The following INSR variants were observed in gnomAD, a reference collection of about 807,000 sequenced individuals.
INSR encodes insulin receptor.
A neutral mutation model predicts 142.6 loss-of-function variants in INSR; 67 were observed. The observed-to-expected ratio is 0.47, with a 90% CI of 0.39 to 0.58. The LOEUF (loss-of-function observed/expected upper bound fraction) is 0.58, where lower values mean the gene tolerates loss of function less well. Ranked by LOEUF, INSR falls within the 20% of genes least tolerant of loss-of-function variation. The probability of loss-of-function intolerance (pLI) is 0.00; values close to 1 mark genes in which losing one functional copy is unlikely to be tolerated. For missense variants in INSR, 1,248 were observed against 1,833.2 expected, an observed-to-expected ratio of 0.68 and a Z score of 5.83; for synonymous variants, 756 against 743.1, an observed-to-expected ratio of 1.02 and a Z score of -0.28.
In INSR at chr19:7,148,477, C is replaced by CTTTTTTTTTTTTTTTTTTTTTTTTT. The variant is rs71177160; in HGVS notation, c.2267+2019_2267+2020insAAAAAAAAAAAAAAAAAAAAAAAAA. 2.1e-5 allele frequency among the ~76,000 whole-genome samples: 2 copies of CTTTTTTTTTTTTTTTTTTTTTTTTT among 95,062 alleles called. 1 individual carries two copies. The highest frequency in any genetic ancestry group is 9.1e-5 in the African/African-American group (2 of 22,088). 62.4% of individuals were successfully genotyped at this position (95,062 alleles called of 152,430 possible). A position where few individuals can be genotyped will look rare whatever the true frequency, so the allele number is the denominator to read the frequency against. ...TTATTATTAGTATTATGTATTTATT[C>CTTTTTTTTTTTTTTTTTTTTTTTTT]TTTTTTTTTTTTTTTTTTGAGACAG... is the stretch of plus-strand genomic sequence containing the variant. On this transcript the variant is annotated intron_variant, in intron 11 of 21. Coordinates refer to ENST00000302850, the MANE Select transcript of INSR (RefSeq NM_000208.4).
intron 2 of INSR, among the ~76,000 whole-genome samples, chr19:7,190,720 C>A (rs1974559449): frequency 6.6e-6 from 1 of 152,098 alleles, no homozygotes; most frequent in African/African-American, 2.4e-5. Flanking sequence ...CCAGGTGTTT[C>A]CAACTCTGTA....
At position 7,122,742 on chromosome 19, in the gene INSR, T is replaced by C. The variant is rs750379249; in HGVS notation, c.3401A>G (p.Gln1134Arg). The C allele has an allele frequency of 1.3e-5, 21 of 1,614,084 alleles. No homozygotes were observed. The highest frequency in any genetic ancestry group is 1.8e-5 in the Non-Finnish European group (21 of 1,180,000). ...NNPGRPPPTL[Q>R]EMIQMAAEIA... ...CTCTGCCGCCATCTGAATCATCTCT[T>C]GAAGGGTAGGGGGAGGGCGGCCAGG... Residue 1134 changes from glutamine (Q) to arginine (R), a missense_variant, in exon 19 of 22, where the codon CAA (glutamine) becomes CGA (arginine). Physicochemically the swap from Gln to Arg is conservative, Grantham distance 43. Around this residue, in one of 3 missense-constraint regions of INSR, gnomAD observed 1,069 missense variants for 1,654.0 expected, o/e 0.65. Transcript: ENST00000302850.
rs1266540255 is a variant in INSR, at chr19:7,192,274, AAAG to A, written c.653-7640_653-7638del. Among the ~76,000 whole-genome samples the A allele has an allele frequency of 7.3e-6, 1 of 136,820 alleles. No homozygotes were observed. Among genetic ancestry groups the A allele is most frequent in the African/African-American group, 3.0e-5 (1 of 33,270 alleles). The allele number at this position is 136,820 out of a possible 152,430, so 89.8% of individuals were successfully genotyped here. A position where few individuals can be genotyped will look rare whatever the true frequency, so the allele number is the denominator to read the frequency against. On this transcript the variant is annotated intron_variant, in intron 2 of 21. Coordinates refer to ENST00000302850, the MANE Select transcript of INSR (RefSeq NM_000208.4). The surrounding 1 kb of genome is among the most constrained non-coding windows in gnomAD (Gnocchi z 4.2). ...GAAGAAAAGAAAAGAAAAGAAAAGA[AAAG>A]AAAAGAAAAGAAAAGAAAAGAAAAG...
chr19:7,195,922 CTTTTCTTTCT>C lies in INSR; in HGVS notation c.653-11295_653-11286del, dbSNP rs1288133979. Among the ~76,000 whole-genome samples, 23 of 85,736 alleles carry C rather than the reference CTTTTCTTTCT, an allele frequency of 2.7e-4. No homozygotes were observed. The Admixed American group carries it at 3.2e-3, about 12-fold the overall frequency. The allele number at this position is 85,736 out of a possible 152,430, so 56.2% of individuals were successfully genotyped here. A position where few individuals can be genotyped will look rare whatever the true frequency, so the allele number is the denominator to read the frequency against. Reference sequence around the variant, plus strand: ...ATCATTATGTAAGAGAACTTTCTTTCTTTTCTTTCTTTTTTTTTTTTTTTTTGTTTGAGAC... The same window carrying C: ...ATCATTATGTAAGAGAACTTTCTTTCTTTTTTTTTTTTTTTTGTTTGAGAC... On this transcript the variant is annotated intron_variant, in intron 2 of 21. Transcript: ENST00000302850.
chr19:7,231,967 C>T (rs913389982), intron 2 of INSR, among the ~76,000 whole-genome samples: 1 of 148,170 alleles, frequency 6.7e-6, no homozygotes, highest in Non-Finnish European at 1.5e-5. Flanking sequence ...ATATGCCCTA[C>T]TTTTTGCATG....
rs1972619915 is a variant in INSR, at chr19:7,125,349, A to C, written c.3192T>G (p.Ser1064Arg). ...VAVKTVNESA[S>R]LRERIEFLNE... ...TGAGGAACTCAATCCGCTCTCGGAG[A>C]CTGGCTGACTCGTTGACCGTCTTCA... The change falls in exon 17 of 22, where the codon AGT (serine) becomes AGG (arginine). Residue 1064 changes from serine to arginine, a missense_variant. Coordinates refer to ENST00000302850, the MANE Select transcript of INSR (RefSeq NM_000208.4). The surrounding 1 kb of genome is among the most constrained non-coding windows in gnomAD (Gnocchi z 4.9). 6.2e-7 allele frequency: 1 copy of C among 1,613,924 alleles called. No homozygotes were observed. The highest frequency in any genetic ancestry group is 1.3e-5 in the African/African-American group (1 of 74,888).
At chr19:7,257,163 C>T (rs1301016905) in intron 2 of INSR, among the ~76,000 whole-genome samples, 1 of 151,850 alleles carries the variant, frequency 6.6e-6, no homozygotes, top group Non-Finnish European at 1.5e-5. Context: ...AGGGTGGTCT[C>T]GAACTCCTGA....
intron 2 of INSR, among the ~76,000 whole-genome samples, chr19:7,240,389 C>G (rs1481988132): frequency 6.6e-6 from 1 of 151,688 alleles, no homozygotes; most frequent in African/African-American, 2.4e-5. Context: ...TTGAGACCAG[C>G]CAGGCCAACA....
In INSR at chr19:7,163,054, G is replaced by C; in HGVS notation, c.2007C>G (p.Phe669Leu). The change falls in exon 9 of 22, where the codon TTC (phenylalanine) becomes TTG (leucine). Residue 669 changes from phenylalanine to leucine, a missense_variant. Coordinates refer to ENST00000302850, the MANE Select transcript of INSR (RefSeq NM_000208.4). Reference protein sequence around the residue: ...WERQAEDSELFELDYCLKGLK... With the variant: ...WERQAEDSELLELDYCLKGLK... Reference sequence around the variant, plus strand: ...CACCTTTGAGGCAATAATCCAGCTCGAACAGCTCACTGTCTTCCGCCTGCC... The same window carrying C: ...CACCTTTGAGGCAATAATCCAGCTCCAACAGCTCACTGTCTTCCGCCTGCC... 1.9e-6 allele frequency: 3 copies of C among 1,613,518 alleles called. No homozygotes were observed. The highest frequency in any genetic ancestry group is 2.5e-6 in the Non-Finnish European group (3 of 1,179,902).
intron 2 of INSR, among the ~76,000 whole-genome samples, chr19:7,243,234 G>GT (rs1161289283): frequency 0.14 from 9,481 of 68,258 alleles, 2,472 homozygotes; most frequent in Non-Finnish European, 0.16. Flanking sequence ...CACTGTTTTG[G>GT]TTTTTTTTTT....
chr19:7,266,439 G>C (rs1568228177), intron 2 of INSR, among the ~76,000 whole-genome samples: 1 of 147,688 alleles, frequency 6.8e-6, no homozygotes, highest in Non-Finnish European at 1.5e-5. Context: ...AGGGTGGAGT[G>C]CAATGGCACA....
In INSR at chr19:7,119,146, T is replaced by A. The variant is rs1431895737; in HGVS notation, c.3794+303A>T. Among the ~76,000 whole-genome samples the A allele has an allele frequency of 6.6e-6, 1 of 152,174 alleles. No homozygotes were observed. The highest frequency in any genetic ancestry group is 2.4e-5 in the African/African-American group (1 of 41,428). ...ATGTAAATGAGGTGTACATGTGCCATGATATGCTGATGCACACAGAAACAT... is the reference window on the plus strand; with the variant it reads ...ATGTAAATGAGGTGTACATGTGCCAAGATATGCTGATGCACACAGAAACAT... On this transcript the variant is annotated intron_variant, in intron 21 of 21. Transcript: ENST00000302850. The surrounding 1 kb of genome is among the most constrained non-coding windows in gnomAD (Gnocchi z 5.2).
At position 7,125,304 on chromosome 19, in the gene INSR, C is replaced by T; in HGVS notation, c.3237G>A (p.Lys1079=). Residue 1079 remains lysine, a synonymous_variant, in exon 17 of 22, where the codon AAG becomes AAA. Transcript: ENST00000302850. This position sits in a 1 kb window ranked among gnomAD's most constrained non-coding sequence, Gnocchi z 4.9. ...TCACCACGTGATGGCAGGTGAAGCCCTTCATGACCGAGGCCTCATTGAGGA... is the reference window on the plus strand; with the variant it reads ...TCACCACGTGATGGCAGGTGAAGCCTTTCATGACCGAGGCCTCATTGAGGA... ...IEFLNEASVM[K]GFTCHHVVRL... 1 of 1,614,050 alleles carries T rather than the reference C, an allele frequency of 6.2e-7. No individual in the cohort carries two copies. The highest frequency in any genetic ancestry group is 1.1e-5 in the South Asian group (1 of 91,084).
At chr19:7,200,491 A>G (rs908937719) in intron 2 of INSR, among the ~76,000 whole-genome samples, 1 of 152,038 alleles carries the variant, frequency 6.6e-6, no homozygotes, top group Non-Finnish European at 1.5e-5. Flanking sequence ...GGAGTTCAAG[A>G]CCAGCCTGGG....
chr19:7,250,524 G>A (rs985392164), intron 2 of INSR, among the ~76,000 whole-genome samples: 13 of 144,366 alleles, frequency 9.0e-5, no homozygotes, highest in African/African-American at 3.1e-4. Flanking sequence ...AGGGAGGAAG[G>A]GAGAGGGAGG....
At position 7,150,363 on chromosome 19, in the gene INSR, G is replaced by T; in HGVS notation, c.2267+134C>A. On this transcript the variant is annotated intron_variant, in intron 11 of 21. Transcript: ENST00000302850. The surrounding 1 kb of genome is among the most constrained non-coding windows in gnomAD (Gnocchi z 4.2). Reference sequence around the variant, plus strand: ...GGCATTGGATTTCTGAATTGGTGAAGCATCTGCTCTCCAGCACAGCTGCCC... The same window carrying T: ...GGCATTGGATTTCTGAATTGGTGAATCATCTGCTCTCCAGCACAGCTGCCC... 1.3e-6 allele frequency: 1 copy of T among 740,920 alleles called. No homozygotes were observed. Among genetic ancestry groups the T allele is most frequent in the Non-Finnish European group, 2.4e-6 (1 of 421,588 alleles). 45.9% of individuals were successfully genotyped at this position (740,920 alleles called of 1,614,324 possible).
rs774990478 is a variant in INSR at position 7,122,713 on chromosome 19, C to A, written c.3430G>T (p.Ala1144Ser). Residue 1144 changes from alanine (A) to serine (S), a missense_variant, in exon 19 of 22, where the codon GCT becomes TCT. Transcript: ENST00000302850. ...QEMIQMAAEI[A>S]DGMAYLNAKK... ...GCGTTCAGGTAGGCCATCCCGTCAG[C>A]AATCTCTGCCGCCATCTGAATCATC... The A allele has an allele frequency of 6.2e-7, 1 of 1,614,074 alleles. No homozygotes were observed. The highest frequency in any genetic ancestry group is 1.3e-5 in the African/African-American group (1 of 74,918).
chr19:7,256,415 C>T lies in INSR; in HGVS notation c.652+10930G>A, dbSNP rs151310405. 3.5e-3 allele frequency among the ~76,000 whole-genome samples: 527 copies of T among 152,226 alleles called. 3 individuals carry two copies. The highest frequency in any genetic ancestry group is 0.012 in the African/African-American group (502 of 41,554). On this transcript the variant is annotated intron_variant, in intron 2 of 21. Coordinates refer to ENST00000302850, the MANE Select transcript of INSR (RefSeq NM_000208.4). ...AGTGAGCCGAGATTGCGCCACTGCA[C>T]TTCAGCCTGGGCAACAGAGCAAGAC...
At chr19:7,237,026 CAA>C (rs111359523) in intron 2 of INSR, among the ~76,000 whole-genome samples, 183 of 90,596 alleles carry the variant, frequency 2.0e-3, no homozygotes, top group African/African-American at 4.4e-3. Flanking sequence ...GACTCTGTCT[CAA>C]AAAAAAAAAA....
Sources: allele counts gnomAD v4.1 joint callset (sites outside exome capture counted in the v4.1 genomes callset), GRCh38; gene constraint gnomAD v4.1.1; regional missense constraint gnomAD v4.1.1; non-coding constraint Gnocchi (gnomAD v3.1); transcripts MANE v1.5; gene names NCBI Gene and HGNC (gene_info 2026-07-23, HGNC 2026-07-21).